The following CHL1 variants were observed in gnomAD, a reference collection of about 807,000 sequenced individuals.
CHL1 encodes neural cell adhesion molecule L1-like protein.
A neutral mutation model predicts 141.9 loss-of-function variants in CHL1; 96 were observed. The ratio of observed to expected loss-of-function variants is 0.68; its 90% CI spans 0.57 to 0.80. The LOEUF is 0.80. Ranked by LOEUF, CHL1 falls within the 30% of genes least tolerant of loss-of-function variation. The probability of loss-of-function intolerance (pLI) is 0.00; values close to 1 mark genes in which losing one functional copy is unlikely to be tolerated. For synonymous variants in CHL1, 613 were observed against 502.2 expected, an observed-to-expected ratio of 1.22 and a Z score of -2.95; for missense variants, 1,820 against 1,457.2, an observed-to-expected ratio of 1.25 and a Z score of -4.05.
At chr3:314,368 T>TATA (rs1368911821) in intron 2 of CHL1, among the ~76,000 whole-genome samples, 21 of 134,048 alleles carry the variant, frequency 1.6e-4, no homozygotes, top group African/African-American at 5.3e-4. Context: ...TATATATATA[T>TATA]ATCTGCTTCA....
intron 11 of CHL1, among the ~76,000 whole-genome samples, chr3:359,196 C>A (rs1156657442): frequency 1.3e-5 from 2 of 151,870 alleles, no homozygotes; most frequent in Non-Finnish European, 2.9e-5. Context: ...AAATGCTGAT[C>A]CATCGAGTTC....
chr3:408,802 A>G lies in CHL1; in HGVS notation c.*3091A>G, dbSNP rs930347991. On this transcript the variant is annotated 3_prime_UTR_variant, in exon 28 of 28. Coordinates refer to ENST00000256509, the MANE Select transcript of CHL1 (RefSeq NM_006614.4). ...TTCCACTAATTTTGCATGCGTATTT[A>G]TAAGAAAAATGTGAATTTGGTGGTT... is the stretch of plus-strand genomic sequence containing the variant. 6 of 152,142 alleles carry G rather than the reference A, an allele frequency of 3.9e-5. No individual in the cohort carries two copies. Among genetic ancestry groups the G allele is most frequent in the Non-Finnish European group, 8.8e-5 (6 of 68,008 alleles). 9.4% of individuals were successfully genotyped at this position (152,142 alleles called of 1,614,324 possible).
At chr3:199,661 G>A (rs1698740964) in intron 1 of CHL1, among the ~76,000 whole-genome samples, 2 of 152,096 alleles carry the variant, frequency 1.3e-5, no homozygotes, top group Admixed American at 1.3e-4. Flanking sequence ...GGCAAGTAAA[G>A]CCTGACAGAT....
At position 228,459 on chromosome 3, in the gene CHL1, C is replaced by A. The variant is rs184612926; in HGVS notation, c.-174-16154C>A. 2.2e-4 allele frequency among the ~76,000 whole-genome samples: 32 copies of A among 147,762 alleles called. 1 individual carries two copies. Among genetic ancestry groups the A allele is most frequent in the Admixed American group, 1.7e-3 (24 of 14,478 alleles). Reference sequence around the variant, plus strand: ...ACATGGATGAAGTCATGTTTGCATACACTCAGTGTAAATATGTGTACACAC... The same window carrying A: ...ACATGGATGAAGTCATGTTTGCATAAACTCAGTGTAAATATGTGTACACAC... On this transcript the variant is annotated intron_variant, in intron 1 of 27. Coordinates refer to ENST00000256509, the MANE Select transcript of CHL1 (RefSeq NM_006614.4).
chr3:237,794 A>G (rs1474424530), intron 1 of CHL1, among the ~76,000 whole-genome samples: 1 of 151,432 alleles, frequency 6.6e-6, no homozygotes, highest in Non-Finnish European at 1.5e-5. Context: ...TCTTCAACTG[A>G]TATTAGAAAA....
At chr3:243,950 A>C (rs2125107060) in intron 1 of CHL1, among the ~76,000 whole-genome samples, 1 of 152,346 alleles carries the variant, frequency 6.6e-6, no homozygotes, top group East Asian at 1.9e-4. Context: ...TGGCATTCAA[A>C]AACAAGCTTA....
chr3:360,271 T>A lies in CHL1; in HGVS notation c.1166-13T>A. On this transcript the variant is annotated splice_polypyrimidine_tract_variant and intron_variant, in intron 11 of 27. Transcript: ENST00000256509. The stretch of plus-strand genomic sequence containing the variant: ...TGTTCCTTATCAAACTGACATTCTT[T>A]AATCTCTTTCAGATCATCCATTTGC... The A allele has an allele frequency of 6.2e-7, 1 of 1,613,170 alleles. No homozygotes were observed.
chr3:373,723 A>T (rs979385837), intron 15 of CHL1: 2 of 152,258 alleles, frequency 1.3e-5, no homozygotes, highest in African/African-American at 4.8e-5. Context: ...CGGGGTTGTG[A>T]TGCTAGACCC....
intron 2 of CHL1, among the ~76,000 whole-genome samples, chr3:268,933 A>T (rs3956142): frequency 6.6e-6 from 1 of 152,014 alleles, no homozygotes; most frequent in African/African-American, 2.4e-5. Context: ...TTCCCCAGTA[A>T]TTATGAATGT....
At chr3:274,295 A>T (rs1385944730) in intron 2 of CHL1, among the ~76,000 whole-genome samples, 1 of 152,198 alleles carries the variant, frequency 6.6e-6, no homozygotes, top group Non-Finnish European at 1.5e-5. Flanking sequence ...ACCCTAAAAC[A>T]TTATACATGC....
chr3:296,500 C>T (rs527629878), intron 2 of CHL1, among the ~76,000 whole-genome samples: 184 of 152,106 alleles, frequency 1.2e-3, no homozygotes, highest in African/African-American at 4.1e-3. Flanking sequence ...GAATTTAGAA[C>T]CACGGTCGTC....
At chr3:290,498 C>T (rs192726841) in intron 2 of CHL1, among the ~76,000 whole-genome samples, 37 of 152,176 alleles carry the variant, frequency 2.4e-4, no homozygotes, top group Admixed American at 5.2e-4. Flanking sequence ...CAATGAAAGA[C>T]CTGGGTTTAG....
chr3:360,238 T>G (rs1194014817), intron 11 of CHL1, 46 bp from the exon 12 acceptor site: 1 of 1,602,438 alleles, frequency 6.2e-7, no homozygotes. Context: ...TATAAATATT[T>G]TATGTCCTGT....
chr3:338,671 T>C (rs1454880933), intron 5 of CHL1, among the ~76,000 whole-genome samples: 10 of 152,238 alleles, frequency 6.6e-5, no homozygotes, highest in Non-Finnish European at 1.5e-4. Context: ...TGCGTCCCTG[T>C]TTTCCAATAT....
chr3:337,017 G>C (rs987482258), intron 5 of CHL1, among the ~76,000 whole-genome samples: 4 of 151,202 alleles, frequency 2.6e-5, no homozygotes. Flanking sequence ...CTAGAAATCT[G>C]TCTATGACAC....
intron 1 of CHL1, chr3:197,739 C>G (rs1698483794): frequency 2.2e-6 from 1 of 454,134 alleles, no homozygotes; most frequent in Non-Finnish European, 4.4e-6. Flanking sequence ...CTCCACCTCC[C>G]CAGACCGCCG....
chr3:316,794 A>T (rs571734165), intron 2 of CHL1, among the ~76,000 whole-genome samples: 14 of 152,052 alleles, frequency 9.2e-5, no homozygotes, highest in Admixed American at 3.9e-4. Flanking sequence ...TAAAAATTTT[A>T]AAAAAATTAG....
chr3:342,329 C>G (rs1325372055), intron 7 of CHL1, among the ~76,000 whole-genome samples: 1 of 152,176 alleles, frequency 6.6e-6, no homozygotes, highest in Non-Finnish European at 1.5e-5. Context: ...TCTGCAGGAT[C>G]TTGTCATTTT....
chr3:395,535 G>C (rs968840671), intron 24 of CHL1, among the ~76,000 whole-genome samples: 10 of 152,216 alleles, frequency 6.6e-5, no homozygotes, highest in African/African-American at 2.2e-4. Context: ...GACCTTTGCA[G>C]AGAAATCAGG....
Sources: allele counts gnomAD v4.1 joint callset (sites outside exome capture counted in the v4.1 genomes callset), GRCh38; gene constraint gnomAD v4.1.1; transcripts MANE v1.5; gene names NCBI Gene and HGNC (gene_info 2026-07-23, HGNC 2026-07-21).